PARP6: variants seen among roughly 807,000 people sequenced by gnomAD.
The protein encoded by PARP6 is poly(ADP-ribose) polymerase family member 6, also known as protein mono-ADP-ribosyltransferase PARP6.
Under a neutral mutation model 92.0 loss-of-function variants are expected in PARP6, and 27 were observed. That is an observed-to-expected ratio of 0.29 (90% CI 0.22 to 0.40). PARP6 has a LOEUF of 0.40. Ranked by LOEUF, PARP6 falls within the 10% of genes least tolerant of loss-of-function variation. The pLI is 1.00. For missense variants in PARP6, 501 were observed against 784.5 expected (o/e 0.64, Z 4.32); for synonymous variants, 272 against 281.2 (o/e 0.97, Z 0.33).
chr15:72,267,663 GT>G lies in PARP6; in HGVS notation c.-187del, dbSNP rs1567243398. The G allele has an allele frequency of 1.6e-6, 1 of 626,924 alleles. No individual in the cohort carries two copies. Among genetic ancestry groups the G allele is most frequent in the African/African-American group, 1.8e-5 (1 of 54,880 alleles). The allele number at this position is 626,924 out of a possible 1,614,324, so 38.8% of individuals were successfully genotyped here. Reference sequence around the variant, plus strand: ...GGCTCTGCTGTTGCGGTGGTAACAAGTCACTGTCCTGTGGAAAGTAGATAAT... The same window carrying G: ...GGCTCTGCTGTTGCGGTGGTAACAAGCACTGTCCTGTGGAAAGTAGATAAT... On this transcript the variant is annotated 5_prime_UTR_variant, in exon 3 of 24. Coordinates refer to ENST00000569795, the MANE Select transcript of PARP6 (RefSeq NM_001323532.2).
intron 20 of PARP6, among the ~76,000 whole-genome samples, chr15:72,247,163 A>G (rs529955750): frequency 1.3e-5 from 2 of 152,088 alleles, no homozygotes; most frequent in South Asian, 4.2e-4. Flanking sequence ...TCTTCTGAAG[A>G]ATATAAGTTT....
At chr15:72,256,666 C>A in intron 13 of PARP6, 76 bp from the exon 14 acceptor site, 3 of 1,218,186 alleles carry the variant, frequency 2.5e-6, no homozygotes, top group Non-Finnish European at 3.2e-6. Context: ...CCCAGTATTT[C>A]TCTCTGATGT....
At chr15:72,261,498 A>C (rs1467280736) in intron 9 of PARP6, 60 bp downstream of exon 9, 1 of 1,328,992 alleles carries the variant, frequency 7.5e-7, no homozygotes, top group Non-Finnish European at 1.0e-6. Context: ...GTAATCAAGA[A>C]GGTGGGGGTG....
intron 14 of PARP6, among the ~76,000 whole-genome samples, 200 bp from the exon 15 acceptor site, chr15:72,254,720 A>G (rs1422625295): frequency 6.6e-6 from 1 of 152,198 alleles, no homozygotes; most frequent in Admixed American, 6.5e-5. Context: ...AGGGTAAGTT[A>G]TTTGGCCTCT....
chr15:72,260,542 G>T lies in PARP6; in HGVS notation c.692C>A (p.Pro231His), dbSNP rs1489199753. 1 of 1,614,210 alleles carries T rather than the reference G, an allele frequency of 6.2e-7. No homozygotes were observed. Among genetic ancestry groups the T allele is most frequent in the Non-Finnish European group, 8.5e-7 (1 of 1,180,046 alleles). The stretch of plus-strand genomic sequence containing the variant: ...CTGAGGGCACAGGAGACCTGCCTGG[G>T]GGCTGGGAGGGTAGCCAAACACTTC... ...KVEVFGYPPS[P>H]QAGLLCPQHV... The change falls in exon 10 of 24, where the codon CCC (proline) becomes CAC (histidine). Residue 231 changes from proline (P) to histidine (H), a missense_variant. Pro to His is a moderately conservative substitution (Grantham distance 77). Coordinates refer to ENST00000569795, the MANE Select transcript of PARP6 (RefSeq NM_001323532.2).
intron 3 of PARP6, 126 bp from the exon 4 acceptor site, chr15:72,266,948 G>C (rs2086681424): frequency 1.4e-6 from 1 of 738,938 alleles, no homozygotes; most frequent in African/African-American, 1.7e-5. Flanking sequence ...CTGAAGCCCT[G>C]ATCCCTTTAC....
intron 14 of PARP6, 76 bp downstream of exon 14, chr15:72,256,389 C>T: frequency 1.6e-6 from 2 of 1,254,030 alleles, no homozygotes. Flanking sequence ...CTGTATATAC[C>T]AGAATGTCAG....
At chr15:72,256,634 C>T (rs200323833) in intron 13 of PARP6, 44 bp from the exon 14 acceptor site, 1 of 1,446,214 alleles carries the variant, frequency 6.9e-7, no homozygotes, top group Non-Finnish European at 9.1e-7. Flanking sequence ...TAAATGATTT[C>T]CCAGTACTGG....
At chr15:72,256,086 C>G (rs529403681) in intron 14 of PARP6, among the ~76,000 whole-genome samples, 1 of 151,850 alleles carries the variant, frequency 6.6e-6, no homozygotes, top group Non-Finnish European at 1.5e-5. Flanking sequence ...CGTGAGCCAC[C>G]GCGCCCAGCC....
chr15:72,243,482 G>A (rs1176658663), intron 20 of PARP6: 1 of 152,218 alleles, frequency 6.6e-6, no homozygotes, highest in African/African-American at 2.4e-5. Flanking sequence ...CTAACTTGAA[G>A]AATCCTACTT....
intron 20 of PARP6, chr15:72,243,907 G>A (rs2083330144): frequency 6.6e-6 from 1 of 152,178 alleles, no homozygotes; most frequent in African/African-American, 2.4e-5. Context: ...TTTTCTCATA[G>A]CCATGGTGTA....
Position 72,253,409 on chromosome 15 carries a change from C to T in PARP6, c.1259+28G>A, listed in dbSNP as rs2084636859. ...AATAACTCCCTCCCTCCCCATAACC[C>T]AAGAAGGATGAGCCATTCTATCCAT... On this transcript the variant is annotated intron_variant, in intron 16 of 23. Coordinates refer to ENST00000569795, the MANE Select transcript of PARP6 (RefSeq NM_001323532.2). The T allele has an allele frequency of 1.9e-6, 3 of 1,580,846 alleles. No homozygotes were observed. The South Asian group carries it at 3.3e-5, about 17-fold the overall frequency.
chr15:72,250,154 G>T (rs931663958), intron 18 of PARP6, 62 bp from the exon 19 acceptor site: 4 of 1,050,556 alleles, frequency 3.8e-6, no homozygotes, highest in Non-Finnish European at 3.0e-6. Flanking sequence ...ACACTCCCAA[G>T]ACTGCCATTC....
At chr15:72,261,943 C>A (rs951666163) in intron 8 of PARP6, among the ~76,000 whole-genome samples, 10 of 152,098 alleles carry the variant, frequency 6.6e-5, no homozygotes. Context: ...TTCAGAGATG[C>A]GTTGCCTTTA....
At chr15:72,246,235 C>T (rs1345526626) in intron 20 of PARP6, among the ~76,000 whole-genome samples, 1 of 152,174 alleles carries the variant, frequency 6.6e-6, no homozygotes, top group East Asian at 1.9e-4. Flanking sequence ...CTGCAACCTC[C>T]GCCTCCCAGG....
intron 15 of PARP6, 21 bp from the exon 16 acceptor site, chr15:72,253,525 C>T (rs190199429): frequency 8.1e-6 from 13 of 1,602,524 alleles, no homozygotes; most frequent in South Asian, 5.5e-5. Context: ...ATGGCCATAA[C>T]GTTATCTCCT....
intron 20 of PARP6, among the ~76,000 whole-genome samples, chr15:72,248,192 A>C (rs1016718967): frequency 2.6e-5 from 4 of 151,944 alleles, no homozygotes; most frequent in African/African-American, 9.7e-5. Context: ...TAGTTCTTTG[A>C]AATCATCTTT....
intron 20 of PARP6, among the ~76,000 whole-genome samples, chr15:72,248,348 CTTTTTTT>C (rs879617655): frequency 2.8e-5 from 4 of 144,642 alleles, no homozygotes; most frequent in East Asian, 4.0e-4. Flanking sequence ...TTTCTTTTTT[CTTTTTTT>C]TTTTGAGACG....
intron 13 of PARP6, 85 bp downstream of exon 13, chr15:72,257,263 G>T: frequency 3.1e-6 from 3 of 965,756 alleles, no homozygotes; most frequent in Admixed American, 1.8e-5. Context: ...AAGCATTTTT[G>T]GAAGTTAAAT....
Sources: allele counts gnomAD v4.1 joint callset (sites outside exome capture counted in the v4.1 genomes callset), GRCh38; gene constraint gnomAD v4.1.1; transcripts MANE v1.5; gene names NCBI Gene and HGNC (gene_info 2026-07-23, HGNC 2026-07-21).